The following SMOC2 variants were observed in gnomAD, a reference collection of about 807,000 sequenced individuals.
SMOC2 encodes SPARC related modular calcium binding 2.
SMOC2 carries 39 observed loss-of-function variants against 61.4 expected under a neutral mutation model. The observed-to-expected ratio is 0.64, with a 90% confidence interval of 0.49 to 0.83. The LOEUF is 0.83. Among genes scored for constraint, SMOC2 ranks in the 40% least tolerant of loss-of-function variants. SMOC2 has a pLI of 0.00. For missense variants in SMOC2, 556 were observed against 592.9 expected (o/e 0.94, Z 0.65); for synonymous variants, 247 against 239.9 (o/e 1.03, Z -0.27).
chr6:168,599,198 A>ACACACACCCTCATACC (rs1785424521), intron 8 of SMOC2, among the ~76,000 whole-genome samples, 194 bp downstream of exon 8: 2 of 127,858 alleles, frequency 1.6e-5, no homozygotes, highest in Non-Finnish European at 3.3e-5. Flanking sequence ...CACTCATACC[A>ACACACACCCTCATACC]CACACACACT....
At chr6:168,502,629 C>G (rs566722150) in intron 1 of SMOC2, among the ~76,000 whole-genome samples, 1 of 152,342 alleles carries the variant, frequency 6.6e-6, no homozygotes, top group South Asian at 2.1e-4. Flanking sequence ...ACTTTCCTAA[C>G]TCACTGAGTT....
intron 9 of SMOC2, among the ~76,000 whole-genome samples, chr6:168,611,934 G>A (rs1785880959): frequency 1.3e-5 from 2 of 152,330 alleles, no homozygotes; most frequent in East Asian, 1.9e-4. Flanking sequence ...AGCGTGTGGT[G>A]TGGGTGTGGA....
At chr6:168,451,058 C>T (rs116839230) in intron 1 of SMOC2, among the ~76,000 whole-genome samples, 1,561 of 152,266 alleles carry the variant, frequency 0.01, 28 homozygotes, top group African/African-American at 0.035. Flanking sequence ...TTAATTCTCC[C>T]AAGCAATGGG....
intron 1 of SMOC2, among the ~76,000 whole-genome samples, chr6:168,467,077 T>C (rs1781851541): frequency 6.6e-6 from 1 of 151,404 alleles, no homozygotes; most frequent in East Asian, 2.0e-4. Flanking sequence ...TTTCGGGAGC[T>C]GCAGCACTTC....
At chr6:168,464,265 CGGAAGGAAGGAAGGAT>C (rs1412732611) in intron 1 of SMOC2, among the ~76,000 whole-genome samples, 2 of 148,426 alleles carry the variant, frequency 1.3e-5, no homozygotes, top group Non-Finnish European at 3.0e-5. Flanking sequence ...GAAGGACGGA[CGGAAGGAAGGAAGGAT>C]GGAAGGAAGG....
At position 168,465,678 on chromosome 6, in the gene SMOC2, G is replaced by A. The variant is rs1781813257; in HGVS notation, c.84+24224G>A. Among the ~76,000 whole-genome samples, 3 of 150,804 alleles carry A rather than the reference G, an allele frequency of 2.0e-5. 1 individual carries two copies. The highest frequency in any genetic ancestry group is 4.2e-4 in the South Asian group (2 of 4,792). ...ACTGGGGAGCTCTGGATGAAGCGAG[G>A]TGCTGCTCTGAGAGCTGGAACTGGG... On this transcript the variant is annotated intron_variant, in intron 1 of 12. Transcript: ENST00000356284.
At chr6:168,664,229 A>G in intron 12 of SMOC2, 118 bp downstream of exon 12, 1 of 865,844 alleles carries the variant, frequency 1.2e-6, no homozygotes, top group East Asian at 2.7e-5. Context: ...AAGAAAATAA[A>G]TAATTCAAGG....
At chr6:168,566,783 G>A (rs1032024890) in intron 7 of SMOC2, among the ~76,000 whole-genome samples, 4 of 152,172 alleles carry the variant, frequency 2.6e-5, no homozygotes, top group African/African-American at 9.7e-5. Context: ...ACAGGCATGA[G>A]CCACTGTGCC....
chr6:168,657,863 C>T (rs1042973536), intron 11 of SMOC2, among the ~76,000 whole-genome samples: 1 of 152,172 alleles, frequency 6.6e-6, no homozygotes, highest in Non-Finnish European at 1.5e-5. Context: ...TTCGTGAGGG[C>T]AGAGTCCTCA....
At chr6:168,472,762 GTTAGATTT>G (rs1225500704) in intron 1 of SMOC2, among the ~76,000 whole-genome samples, 1 of 152,110 alleles carries the variant, frequency 6.6e-6, no homozygotes, top group East Asian at 1.9e-4. Flanking sequence ...GCAGAAGAAA[GTTAGATTT>G]TTTAGAATCA....
intron 12 of SMOC2, 157 bp downstream of exon 12, chr6:168,664,268 G>A (rs1351738074): frequency 2.8e-6 from 2 of 702,330 alleles, no homozygotes; most frequent in Non-Finnish European, 5.1e-6. Flanking sequence ...ACACCCTATG[G>A]GGACTAAAGC....
chr6:168,443,639 G>C (rs144269635), intron 1 of SMOC2, among the ~76,000 whole-genome samples: 1 of 152,214 alleles, frequency 6.6e-6, no homozygotes, highest in African/African-American at 2.4e-5. Context: ...CTGACTGGTC[G>C]CTGGGAGATG....
intron 9 of SMOC2, among the ~76,000 whole-genome samples, chr6:168,646,598 A>G (rs1053009015): frequency 1.3e-5 from 2 of 152,248 alleles, no homozygotes; most frequent in Admixed American, 6.5e-5. Flanking sequence ...AAAGCACAGA[A>G]CACATTCATT....
intron 7 of SMOC2, among the ~76,000 whole-genome samples, chr6:168,592,287 G>A (rs150073688): frequency 3.6e-5 from 5 of 140,670 alleles, no homozygotes; most frequent in Non-Finnish European, 7.8e-5. Flanking sequence ...CTAGAGGATC[G>A]TGGAGCTCCT....
intron 1 of SMOC2, among the ~76,000 whole-genome samples, chr6:168,505,327 T>C (rs1782847107): frequency 6.6e-6 from 1 of 152,068 alleles, no homozygotes; most frequent in Admixed American, 6.5e-5. Context: ...GATGAATGAC[T>C]GAATGAAATG....
rs1402906875 is a variant in SMOC2 at position 168,599,028 on chromosome 6, C to A, written c.824+24C>A. The A allele has an allele frequency of 2.6e-6, 4 of 1,552,424 alleles. No homozygotes were observed. In the East Asian group the frequency reaches 7.2e-5, roughly 28 times the overall value. ...AGGTAAATAGGGTGCACCCACCCCC[C>A]CCGGGACCATGGGAGGCTTTGGGGT... On this transcript the variant is annotated intron_variant, in intron 8 of 12. Coordinates refer to ENST00000356284, the MANE Select transcript of SMOC2 (RefSeq NM_001166412.2).
At chr6:168,649,966 C>T (rs532558587) in intron 9 of SMOC2, among the ~76,000 whole-genome samples, 1 of 152,152 alleles carries the variant, frequency 6.6e-6, no homozygotes, top group African/African-American at 2.4e-5. Context: ...TGGGGTGGGA[C>T]GAGTGTCTCA....
chr6:168,627,705 G>A (rs1786451294), intron 9 of SMOC2, among the ~76,000 whole-genome samples: 2 of 152,188 alleles, frequency 1.3e-5, no homozygotes, highest in South Asian at 2.1e-4. Context: ...TCAGTATACA[G>A]TAGGAGCCAC....
In SMOC2 at chr6:168,527,745, TTCCAAGTG is replaced by T; in HGVS notation, c.463+19_463+26del. The T allele has an allele frequency of 6.6e-7, 1 of 1,508,334 alleles. No individual in the cohort carries two copies. The highest frequency in any genetic ancestry group is 9.0e-7 in the Non-Finnish European group (1 of 1,108,174). 93.4% of individuals were successfully genotyped at this position (1,508,334 alleles called of 1,614,324 possible). ...GTGCCCGGGTAGGTCTGACGTGCCT[TTCCAAGTG>T]GAAGGCTTGAAGGGAATTGGTTTGC... On this transcript the variant is annotated intron_variant, in intron 4 of 12. Transcript: ENST00000356284.
Sources: gnomAD v4.1 joint callset for allele counts (sites outside exome capture counted in the v4.1 genomes callset) on GRCh38, gnomAD v4.1.1 for gene constraint, MANE v1.5 for transcripts, NCBI Gene and HGNC (gene_info 2026-07-23, HGNC 2026-07-21) for gene names.